Variants in GRM7 observed in about 807,000 individuals in gnomAD.
GRM7 encodes the protein glutamate metabotropic receptor 7.
Under a neutral mutation model 84.5 loss-of-function variants are expected in GRM7, and 35 were observed. That is an observed-to-expected ratio of 0.41 (90% CI 0.32 to 0.55). The LOEUF (loss-of-function observed/expected upper bound fraction) is 0.55. GRM7 is among the 20% of genes least tolerant of loss of function. GRM7 has a pLI of 0.19. For missense variants in GRM7, 1,003 were observed against 1,194.6 expected (o/e 0.84, Z 2.36); for synonymous variants, 487 against 455.1 (o/e 1.07, Z -0.89).
intron 1 of GRM7, among the ~76,000 whole-genome samples, chr3:7,132,580 T>C (rs1416191596): frequency 2.6e-5 from 4 of 152,194 alleles, no homozygotes; most frequent in Non-Finnish European, 1.5e-5. Flanking sequence ...CTATGAGGCA[T>C]ATCAAAGGTT....
At chr3:7,294,499 T>C (rs1193114711) in intron 2 of GRM7, among the ~76,000 whole-genome samples, 1 of 152,024 alleles carries the variant, frequency 6.6e-6, no homozygotes, top group African/African-American at 2.4e-5. Flanking sequence ...TTGTGAGCTT[T>C]ATAACAAAGC....
intron 2 of GRM7, among the ~76,000 whole-genome samples, chr3:7,196,264 C>T (rs1695875719): frequency 6.6e-6 from 1 of 152,108 alleles, no homozygotes; most frequent in African/African-American, 2.4e-5. Context: ...GTAAGCCACA[C>T]CCACATTGTG....
intron 8 of GRM7, among the ~76,000 whole-genome samples, chr3:7,663,792 A>C (rs1403411472): frequency 6.6e-6 from 1 of 152,206 alleles, no homozygotes; most frequent in African/African-American, 2.4e-5. Flanking sequence ...AGGTGAAGAT[A>C]ATACATTGGC....
intron 1 of GRM7, among the ~76,000 whole-genome samples, chr3:7,005,851 G>A (rs1354493084): frequency 6.6e-6 from 1 of 152,138 alleles, no homozygotes. Flanking sequence ...TGTTTAGCAT[G>A]GAGAGGTTGC....
chr3:7,430,647 G>A (rs906047155), intron 5 of GRM7, among the ~76,000 whole-genome samples: 3 of 152,154 alleles, frequency 2.0e-5, no homozygotes, highest in Admixed American at 1.3e-4. Flanking sequence ...CAAAACTCTT[G>A]TGCAGAAATG....
In GRM7 at chr3:6,934,410, T is replaced by C. The variant is rs375812795; in HGVS notation, c.519+72503T>C. 3.3e-5 allele frequency among the ~76,000 whole-genome samples: 5 copies of C among 152,166 alleles called. No homozygotes were observed. The South Asian group carries it at 1.0e-3, about 32-fold the overall frequency. On this transcript the variant is annotated intron_variant, in intron 1 of 9. Coordinates refer to ENST00000357716, the MANE Select transcript of GRM7 (RefSeq NM_000844.4). ...GAAAACTGCCCCCCACCCTGCCCCATCTCTTCATTACATTAGGAAAGAATA... is the reference window on the plus strand; with the variant it reads ...GAAAACTGCCCCCCACCCTGCCCCACCTCTTCATTACATTAGGAAAGAATA...
chr3:7,605,930 A>G (rs112131969), intron 8 of GRM7, among the ~76,000 whole-genome samples: 1,856 of 152,260 alleles, frequency 0.012, 27 homozygotes, highest in African/African-American at 0.039. Flanking sequence ...CCGTGTTCCA[A>G]TAACACTTTA....
Position 6,861,617 on chromosome 3 carries a change from C to A in GRM7, c.229C>A (p.His77Asn). 6.2e-7 allele frequency: 1 copy of A among 1,613,026 alleles called. No homozygotes were observed. The highest frequency in any genetic ancestry group is 2.2e-5 in the East Asian group (1 of 44,772). Reference protein sequence around the residue: ...CGDIKRENGIHRLEAMLYALD... With the variant: ...CGDIKRENGINRLEAMLYALD... The stretch of plus-strand genomic sequence containing the variant: ...CGACATCAAGAGGGAAAACGGGATC[C>A]ACAGGCTGGAAGCGATGCTCTACGC... Residue 77 changes from histidine to asparagine, a missense_variant, in exon 1 of 10, where the codon CAC (histidine) becomes AAC (asparagine). By Grantham distance (68) the His-to-Asn change is moderately conservative. Around this residue, in one of 2 missense-constraint regions of GRM7, gnomAD observed 910 missense variants for 1,126.0 expected, o/e 0.81. Coordinates refer to ENST00000357716, the MANE Select transcript of GRM7 (RefSeq NM_000844.4). The surrounding 1 kb of genome is among the most constrained non-coding windows in gnomAD (Gnocchi z 6.4).
intron 7 of GRM7, among the ~76,000 whole-genome samples, chr3:7,545,921 C>A (rs779468393): frequency 6.6e-6 from 1 of 152,188 alleles, no homozygotes; most frequent in Non-Finnish European, 1.5e-5. Context: ...AGTCAATTTT[C>A]TTCTCTGAGC....
chr3:6,920,102 C>G (rs1399688680), intron 1 of GRM7, among the ~76,000 whole-genome samples: 1 of 152,136 alleles, frequency 6.6e-6, no homozygotes, highest in Non-Finnish European at 1.5e-5. Flanking sequence ...CCAGCAGAAG[C>G]TGTAAAGTAT....
At chr3:7,288,603 C>T (rs773122824) in intron 2 of GRM7, among the ~76,000 whole-genome samples, 8 of 151,996 alleles carry the variant, frequency 5.3e-5, no homozygotes, top group Non-Finnish European at 1.2e-4. Context: ...TGGCAGTGTT[C>T]AAATAAGAAT....
intron 1 of GRM7, among the ~76,000 whole-genome samples, chr3:6,919,984 C>T (rs1697069187): frequency 6.6e-6 from 1 of 151,990 alleles, no homozygotes; most frequent in Non-Finnish European, 1.5e-5. Flanking sequence ...AAATGTTTGC[C>T]ATACAATTTT....
At chr3:7,084,932 A>C (rs1048041569) in intron 1 of GRM7, among the ~76,000 whole-genome samples, 7 of 152,178 alleles carry the variant, frequency 4.6e-5, no homozygotes, top group Non-Finnish European at 7.4e-5. Context: ...CACCTAATAG[A>C]ATCTCTTAAA....
chr3:7,686,316 C>T, intron 9 of GRM7: 2 of 822,788 alleles, frequency 2.4e-6, no homozygotes, highest in South Asian at 2.9e-5. Context: ...ATTGTGTGCA[C>T]ATTTATTTTA....
intron 2 of GRM7, among the ~76,000 whole-genome samples, chr3:7,198,581 A>AGG (rs1695958658): frequency 6.6e-6 from 1 of 152,178 alleles, no homozygotes; most frequent in Non-Finnish European, 1.5e-5. Context: ...TGGACACCAT[A>AGG]CATTAGCCTA....
Position 7,527,964 on chromosome 3 carries a change from AG to A in GRM7, c.1516-50454del, listed in dbSNP as rs1302886265. On this transcript the variant is annotated intron_variant, in intron 7 of 9. Coordinates refer to ENST00000357716, the MANE Select transcript of GRM7 (RefSeq NM_000844.4). ...GAGAATTGCTGCATCTATGTTAATC[AG>A]GGGTACTGACACATTGTTTTATTTT... 2.0e-5 allele frequency among the ~76,000 whole-genome samples: 3 copies of A among 151,302 alleles called. No individual in the cohort carries two copies. In the East Asian group the frequency reaches 5.8e-4, roughly 29 times the overall value.
intron 4 of GRM7, among the ~76,000 whole-genome samples, chr3:7,365,535 C>A (rs969054975): frequency 6.6e-6 from 1 of 151,062 alleles, no homozygotes. Context: ...TTCCTTCATT[C>A]AAATAAACTT....
At chr3:7,514,126 G>A (rs1486333890) in intron 7 of GRM7, among the ~76,000 whole-genome samples, 5 of 152,130 alleles carry the variant, frequency 3.3e-5, no homozygotes, top group Admixed American at 3.3e-4. Flanking sequence ...AAAAAACCCG[G>A]CATGTAGTTT....
In GRM7 at chr3:7,286,986, C is replaced by G. The variant is rs567309563; in HGVS notation, c.737-11698C>G. 5.7e-4 allele frequency among the ~76,000 whole-genome samples: 87 copies of G among 152,192 alleles called. 1 individual carries two copies. Among genetic ancestry groups the G allele is most frequent in the Admixed American group, 2.3e-3 (35 of 15,270 alleles). On this transcript the variant is annotated intron_variant, in intron 2 of 9. Coordinates refer to ENST00000357716, the MANE Select transcript of GRM7 (RefSeq NM_000844.4). Reference sequence around the variant, plus strand: ...GATAGGACTTTGGCTTTATCAGGCACAGTTTGGGGTAAATTACTTGGGCGA... The same window carrying G: ...GATAGGACTTTGGCTTTATCAGGCAGAGTTTGGGGTAAATTACTTGGGCGA...
Sources: allele counts gnomAD v4.1 joint callset (sites outside exome capture counted in the v4.1 genomes callset), GRCh38; gene constraint gnomAD v4.1.1; regional missense constraint gnomAD v4.1.1; non-coding constraint Gnocchi (gnomAD v3.1); transcripts MANE v1.5; gene names NCBI Gene and HGNC (gene_info 2026-07-23, HGNC 2026-07-21).